DMD: variants seen among roughly 807,000 people sequenced by gnomAD.
DMD encodes mutant dystrophin.
Under a neutral mutation model 330.1 loss-of-function variants are expected in DMD, and 63 were observed. The ratio of observed to expected loss-of-function variants is 0.19; its 90% confidence interval spans 0.16 to 0.24. The LOEUF (loss-of-function observed/expected upper bound fraction) is 0.24, where lower values mean the gene tolerates loss of function less well. Among genes scored for constraint, DMD ranks in the 10% least tolerant of loss-of-function variants. DMD has a pLI of 1.00. For synonymous variants in DMD, 1,223 were observed against 959.8 expected (o/e 1.27, Z -5.07); for missense variants, 3,344 against 2,684.1 (o/e 1.25, Z -5.43).
chrX:32,407,401 A>T (rs767331234), intron 30 of DMD, among the ~76,000 whole-genome samples: 1 of 112,106 alleles, frequency 8.9e-6, no homozygotes, highest in East Asian at 2.8e-4. Context: ...GCCATCAGAG[A>T]AATGCAAATC....
At chrX:31,469,786 C>T (rs926389230) in intron 59 of DMD, among the ~76,000 whole-genome samples, 1 of 111,856 alleles carries the variant, frequency 8.9e-6, no homozygotes, top group African/African-American at 3.3e-5. Flanking sequence ...TTCCATTCTC[C>T]CCATCACTTT....
chrX:31,510,798 C>T (rs369576518), intron 55 of DMD, among the ~76,000 whole-genome samples: 3 of 110,932 alleles, frequency 2.7e-5, no homozygotes, highest in East Asian at 5.7e-4. Flanking sequence ...CGTGAGCCAC[C>T]ACACCTGGCC....
At chrX:31,956,627 T>C (rs755732380) in intron 45 of DMD, among the ~76,000 whole-genome samples, 5 of 112,212 alleles carry the variant, frequency 4.5e-5, no homozygotes, top group Non-Finnish European at 9.4e-5. Flanking sequence ...AGGACTAAGA[T>C]ATGTCCAGTG....
intron 59 of DMD, among the ~76,000 whole-genome samples, chrX:31,473,447 A>C (rs182434274): frequency 1.2e-4 from 13 of 104,421 alleles, no homozygotes; most frequent in Middle Eastern, 5.5e-3. Context: ...TCTGGCCGGG[A>C]GCGGTGGCTC....
chrX:32,651,778 C>G (rs1334753720), intron 9 of DMD, among the ~76,000 whole-genome samples: 1 of 111,905 alleles, frequency 8.9e-6, no homozygotes, highest in Non-Finnish European at 1.9e-5. Flanking sequence ...ACTACGTAGC[C>G]ACAAAAATTT....
chrX:32,469,361 C>T (rs1014523095), intron 22 of DMD, among the ~76,000 whole-genome samples: 1 of 109,105 alleles, frequency 9.2e-6, no homozygotes, highest in Admixed American at 9.8e-5. Context: ...AATAAAGGCT[C>T]ATGACAAAAA....
At chrX:32,427,987 A>G (rs1480005970) in intron 29 of DMD, among the ~76,000 whole-genome samples, 13 of 111,306 alleles carry the variant, frequency 1.2e-4, no homozygotes, top group African/African-American at 4.2e-4. Context: ...ATTTGTTTTT[A>G]CTTCCCTCTC....
intron 1 of DMD, among the ~76,000 whole-genome samples, chrX:33,190,093 G>T (rs1248993511): frequency 9.0e-6 from 1 of 111,300 alleles, no homozygotes; most frequent in Non-Finnish European, 1.9e-5. Context: ...TCTGTTGAAG[G>T]ATACTACTTC....
chrX:31,426,959 T>C (rs2063752131), intron 60 of DMD, among the ~76,000 whole-genome samples: 1 of 112,480 alleles, frequency 8.9e-6, no homozygotes, highest in Admixed American at 9.5e-5. Flanking sequence ...TGAATGAATA[T>C]TTTACATTAA....
At chrX:32,768,795 G>T (rs1040782155) in intron 7 of DMD, among the ~76,000 whole-genome samples, 1 of 111,992 alleles carries the variant, frequency 8.9e-6, no homozygotes, top group Non-Finnish European at 1.9e-5. Flanking sequence ...CCTAACTATG[G>T]CAGAGACAGG....
At chrX:32,724,053 ATTG>A (rs2066610551) in intron 7 of DMD, among the ~76,000 whole-genome samples, 2 of 111,802 alleles carry the variant, frequency 1.8e-5, no homozygotes, top group Admixed American at 9.6e-5. Context: ...ATTAGCACAT[ATTG>A]TTGTATTTCA....
intron 1 of DMD, among the ~76,000 whole-genome samples, chrX:33,264,291 T>C (rs1180394126): frequency 9.0e-6 from 1 of 111,394 alleles, no homozygotes; most frequent in Non-Finnish European, 1.9e-5. Context: ...AAACTTCATG[T>C]ACCTTTCAAG....
chrX:31,163,291 T>C (rs1157133334), intron 74 of DMD, among the ~76,000 whole-genome samples: 2 of 111,536 alleles, frequency 1.8e-5, no homozygotes, highest in Non-Finnish European at 3.8e-5. Flanking sequence ...TGAGATCTGA[T>C]GGTTTTAAAA....
At chrX:32,136,672 A>G (rs1430731710) in intron 44 of DMD, among the ~76,000 whole-genome samples, 2 of 112,511 alleles carry the variant, frequency 1.8e-5, no homozygotes, top group Non-Finnish European at 3.7e-5. Context: ...AAACAGGGTC[A>G]TTATTTTGTG....
intron 55 of DMD, among the ~76,000 whole-genome samples, chrX:31,529,195 T>A (rs1431900325): frequency 2.1e-4 from 22 of 105,145 alleles, no homozygotes; most frequent in African/African-American, 7.3e-4. Context: ...GCACTGCAGC[T>A]TGGGTGACAG....
At chrX:32,853,184 C>A (rs981747223) in intron 2 of DMD, among the ~76,000 whole-genome samples, 1 of 111,908 alleles carries the variant, frequency 8.9e-6, no homozygotes, top group Non-Finnish European at 1.9e-5. Context: ...TTCATCAACA[C>A]CAGACCTGTT....
intron 51 of DMD, among the ~76,000 whole-genome samples, chrX:31,769,652 T>A (rs1453083123): frequency 8.9e-6 from 1 of 112,020 alleles, no homozygotes; most frequent in African/African-American, 3.2e-5. Context: ...TTTACAAATT[T>A]GTGTTGGGCC....
chrX:32,041,218 A>G (rs1055837374), intron 44 of DMD, among the ~76,000 whole-genome samples: 4 of 112,374 alleles, frequency 3.6e-5, no homozygotes, highest in African/African-American at 1.3e-4. Flanking sequence ...ACTAAGCATC[A>G]TCTCTTCTTC....
intron 47 of DMD, among the ~76,000 whole-genome samples, chrX:31,921,008 G>A (rs1490137687): frequency 8.9e-6 from 1 of 111,780 alleles, no homozygotes; most frequent in Non-Finnish European, 1.9e-5. Flanking sequence ...TGTATTTGGT[G>A]AGGTTTCCTA....
Sources: allele counts gnomAD v4.1 joint callset (sites outside exome capture counted in the v4.1 genomes callset), GRCh38; gene constraint gnomAD v4.1.1; transcripts MANE v1.5; gene names NCBI Gene and HGNC (gene_info 2026-07-23, HGNC 2026-07-21).